Variants in NELL1 observed in about 807,000 individuals in gnomAD.
The protein encoded by NELL1 is neural EGFL like 1.
In NELL1, 76 loss-of-function variants were observed where a neutral mutation model predicts 107.4. The ratio of observed to expected loss-of-function variants is 0.71; its 90% CI spans 0.59 to 0.86. NELL1 has a LOEUF of 0.86. Ranked by LOEUF, NELL1 falls within the 40% of genes least tolerant of loss-of-function variation. The probability of loss-of-function intolerance (pLI) is 0.00; values close to 1 mark genes in which losing one functional copy is unlikely to be tolerated. For missense variants in NELL1, 1,024 were observed against 1,005.5 expected (o/e 1.02, Z -0.25); for synonymous variants, 353 against 341.2 (o/e 1.03, Z -0.38).
intron 2 of NELL1, among the ~76,000 whole-genome samples, chr11:20,777,698 C>G (rs1361490601): frequency 6.6e-6 from 1 of 152,234 alleles, no homozygotes. Flanking sequence ...ATGTGGCACT[C>G]AGGCTAGAAG....
At chr11:21,080,227 C>T (rs571914603) in intron 12 of NELL1, among the ~76,000 whole-genome samples, 1 of 151,742 alleles carries the variant, frequency 6.6e-6, no homozygotes, top group African/African-American at 2.4e-5. Flanking sequence ...CAATACAGCA[C>T]GTCATAAAAA....
At chr11:21,384,634 C>T (rs1311924212) in intron 15 of NELL1, among the ~76,000 whole-genome samples, 5 of 151,644 alleles carry the variant, frequency 3.3e-5, no homozygotes, top group African/African-American at 1.2e-4. Flanking sequence ...GTGTGATGTT[C>T]CCCTTCCTGT....
intron 13 of NELL1, among the ~76,000 whole-genome samples, chr11:21,200,158 C>A (rs1857236679): frequency 6.6e-6 from 1 of 152,102 alleles, no homozygotes; most frequent in East Asian, 1.9e-4. Context: ...TGGGTATATA[C>A]CCAGTAATGG....
At chr11:21,072,570 T>A (rs1376371011) in intron 12 of NELL1, among the ~76,000 whole-genome samples, 2 of 152,170 alleles carry the variant, frequency 1.3e-5, no homozygotes, top group Non-Finnish European at 2.9e-5. Flanking sequence ...CAATTCTTTA[T>A]AGGGATAGGA....
intron 3 of NELL1, among the ~76,000 whole-genome samples, chr11:20,824,783 T>G (rs1857842740): frequency 6.6e-6 from 1 of 151,330 alleles, no homozygotes; most frequent in Admixed American, 6.6e-5. Context: ...CAGAAGAAAT[T>G]TCTAAGCAGC....
At chr11:21,534,947 C>G (rs74503786) in intron 16 of NELL1, among the ~76,000 whole-genome samples, 1,848 of 152,204 alleles carry the variant, frequency 0.012, 39 homozygotes, top group East Asian at 0.077. Context: ...ACTATAGTCT[C>G]TAATCCTTCA....
chr11:21,428,585 CA>C (rs2133830777), intron 15 of NELL1, among the ~76,000 whole-genome samples: 1 of 152,170 alleles, frequency 6.6e-6, no homozygotes, highest in African/African-American at 2.4e-5. Flanking sequence ...TTGCTTTACT[CA>C]AAAGAAAAAC....
chr11:20,982,447 A>G (rs1851768554), intron 12 of NELL1, among the ~76,000 whole-genome samples: 1 of 152,192 alleles, frequency 6.6e-6, no homozygotes, highest in Non-Finnish European at 1.5e-5. Context: ...ACTGAGATTT[A>G]GGAGACCCAA....
chr11:21,152,405 A>C (rs1201350946), intron 13 of NELL1, among the ~76,000 whole-genome samples: 1 of 152,210 alleles, frequency 6.6e-6, no homozygotes, highest in Non-Finnish European at 1.5e-5. Flanking sequence ...GGTGCATACT[A>C]AATGTTGAAC....
chr11:21,479,491 C>T (rs1854434612), intron 15 of NELL1, among the ~76,000 whole-genome samples: 1 of 152,012 alleles, frequency 6.6e-6, no homozygotes, highest in Non-Finnish European at 1.5e-5. Flanking sequence ...CAAATTTAAA[C>T]AGTTAACTAA....
intron 12 of NELL1, among the ~76,000 whole-genome samples, chr11:21,100,381 C>A (rs116230473): frequency 0.011 from 1,741 of 152,244 alleles, 36 homozygotes; most frequent in African/African-American, 0.038. Context: ...TGTTGTGCAA[C>A]AATCATCGCT....
At chr11:20,744,078 A>G (rs913481159) in intron 2 of NELL1, among the ~76,000 whole-genome samples, 1 of 152,122 alleles carries the variant, frequency 6.6e-6, no homozygotes, top group Admixed American at 6.5e-5. Flanking sequence ...CTTCAATTAG[A>G]TCACATCTCA....
chr11:21,225,106 G>A (rs1857859400), intron 13 of NELL1, among the ~76,000 whole-genome samples: 1 of 152,114 alleles, frequency 6.6e-6, no homozygotes, highest in Non-Finnish European at 1.5e-5. Context: ...ATGTCACGAT[G>A]CTGCAACCTT....
At chr11:21,216,413 C>G (rs1388200383) in intron 13 of NELL1, among the ~76,000 whole-genome samples, 2 of 152,172 alleles carry the variant, frequency 1.3e-5, no homozygotes, top group African/African-American at 4.8e-5. Flanking sequence ...TCCTTCAGAT[C>G]CCAGAATGGT....
intron 14 of NELL1, among the ~76,000 whole-genome samples, chr11:21,240,391 G>A (rs572346370): frequency 1.1e-4 from 17 of 152,002 alleles, no homozygotes; most frequent in African/African-American, 3.9e-4. Flanking sequence ...GAAGTGGGAG[G>A]GGGAACTTCT....
At chr11:20,876,449 A>T (rs985021373) in intron 4 of NELL1, among the ~76,000 whole-genome samples, 1 of 152,288 alleles carries the variant, frequency 6.6e-6, no homozygotes, top group African/African-American at 2.4e-5. Flanking sequence ...AACAACATCC[A>T]GGCAGCCTGA....
At chr11:21,560,897 G>A (rs1279792656) in intron 17 of NELL1, among the ~76,000 whole-genome samples, 1 of 71,702 alleles carries the variant, frequency 1.4e-5, no homozygotes, top group East Asian at 3.2e-4. Context: ...AGAAATTGAT[G>A]TCTTCTTTGT....
Position 20,823,840 on chromosome 11 carries a change from C to G in NELL1, c.336-23743C>G, listed in dbSNP as rs1333204617. On this transcript the variant is annotated intron_variant, in intron 3 of 19. Transcript: ENST00000357134. ...TGGAAATCCTTCAGAAATGCCCCTG[C>G]ACCTGCCCCGAAGAAAGCCTCACAC... is the stretch of plus-strand genomic sequence containing the variant. Among the ~76,000 whole-genome samples the G allele has an allele frequency of 2.0e-5, 3 of 151,210 alleles. No individual in the cohort carries two copies. The Admixed American group carries it at 2.0e-4, about 10-fold the overall frequency.
intron 7 of NELL1, among the ~76,000 whole-genome samples, chr11:20,926,789 C>A (rs1049559682): frequency 6.6e-6 from 1 of 152,094 alleles, no homozygotes; most frequent in Non-Finnish European, 1.5e-5. Flanking sequence ...TTGGGGGATC[C>A]GCTTACGACT....
Sources: gnomAD v4.1 joint callset for allele counts (sites outside exome capture counted in the v4.1 genomes callset) on GRCh38, gnomAD v4.1.1 for gene constraint, MANE v1.5 for transcripts, NCBI Gene and HGNC (gene_info 2026-07-23, HGNC 2026-07-21) for gene names.